Variants in DSTN observed in about 807,000 individuals in gnomAD.
DSTN encodes the protein destrin, actin depolymerizing factor.
Under a neutral mutation model 16.8 loss-of-function variants are expected in DSTN, and 10 were observed. The ratio of observed to expected loss-of-function variants is 0.60; its 90% confidence interval spans 0.37 to 1.01. The LOEUF is 1.01. Ranked by LOEUF, DSTN falls within the 50% of genes least tolerant of loss-of-function variation. DSTN has a pLI of 0.01. For synonymous variants in DSTN, 57 were observed against 58.9 expected (o/e 0.97, Z 0.14); for missense variants, 141 against 196.7 (o/e 0.72, Z 1.69).
chr20:17,603,277 G>A (rs1298706266), intron 2 of DSTN, among the ~76,000 whole-genome samples: 1 of 152,182 alleles, frequency 6.6e-6, no homozygotes, highest in African/African-American at 2.4e-5. Flanking sequence ...TAAATGCTCA[G>A]AAGTATTTAG....
At position 17,592,019 on chromosome 20, in the gene DSTN, T is replaced by G. The variant is rs756408424; in HGVS notation, c.4-8719T>G. On this transcript the variant is annotated intron_variant, in intron 1 of 3. Coordinates refer to ENST00000246069, the MANE Select transcript of DSTN (RefSeq NM_006870.4). ...ACACAGGCACTACGAGAATGGAGTT[T>G]AGAAGAAGGTCAGAGCCCTGGGCAG... The G allele has an allele frequency of 3.0e-4, 291 of 985,362 alleles. 1 individual carries two copies. Among genetic ancestry groups the G allele is most frequent in the Non-Finnish European group, 3.3e-4 (277 of 829,966 alleles). The allele number at this position is 985,362 out of a possible 1,614,324, so 61.0% of individuals were successfully genotyped here. A position where few individuals can be genotyped will look rare whatever the true frequency, so the allele number is the denominator to read the frequency against.
chr20:17,591,555 C>T (rs2035469746), intron 1 of DSTN, among the ~76,000 whole-genome samples: 1 of 152,192 alleles, frequency 6.6e-6, no homozygotes, highest in Admixed American at 6.5e-5. Context: ...CAATGAGCTA[C>T]GATTTTATTC....
intron 1 of DSTN, among the ~76,000 whole-genome samples, chr20:17,572,063 C>G (rs1319866851): frequency 6.6e-6 from 1 of 152,134 alleles, no homozygotes; most frequent in African/African-American, 2.4e-5. Context: ...GGGTATTATC[C>G]CAGAGTCTAG....
chr20:17,577,282 G>C (rs1262789879), intron 1 of DSTN, among the ~76,000 whole-genome samples: 4 of 152,156 alleles, frequency 2.6e-5, no homozygotes, highest in Non-Finnish European at 4.4e-5. Flanking sequence ...TACAGGTAAG[G>C]CTTCTCCAAC....
intron 1 of DSTN, among the ~76,000 whole-genome samples, chr20:17,592,413 C>G (rs1375564747): frequency 7.3e-6 from 1 of 137,744 alleles, no homozygotes; most frequent in African/African-American, 2.8e-5. Context: ...CTGGATGACA[C>G]AGAGAGACCT....
rs529682251 is a variant in DSTN, at chr20:17,592,487, C to T, written c.4-8251C>T. On this transcript the variant is annotated intron_variant, in intron 1 of 3. Transcript: ENST00000246069. ...TATTTAATCTTTATTTCTTTTATCT[C>T]GGTTTTAATATTCACCATATCTCAA... Among the ~76,000 whole-genome samples, 15 of 151,344 alleles carry T rather than the reference C, an allele frequency of 9.9e-5. No individual in the cohort carries two copies. In the East Asian group the frequency reaches 1.8e-3, roughly 18 times the overall value.
In DSTN at chr20:17,570,202, G is replaced by A. The variant is rs1217897362; in HGVS notation, c.-7G>A. On this transcript the variant is annotated 5_prime_UTR_variant, in exon 1 of 4. Transcript: ENST00000246069. Reference sequence around the variant, plus strand: ...TCCCCCGCGTCCCTGCGACCGCCGCGGCGAAGATGGTGAGTAGGAGGGAGG... The same window carrying A: ...TCCCCCGCGTCCCTGCGACCGCCGCAGCGAAGATGGTGAGTAGGAGGGAGG... 2.0e-6 allele frequency: 3 copies of A among 1,519,198 alleles called. No homozygotes were observed. The highest frequency in any genetic ancestry group is 4.1e-5 in the Admixed American group (2 of 49,036). The allele number at this position is 1,519,198 out of a possible 1,614,324, so 94.1% of individuals were successfully genotyped here. A position where few individuals can be genotyped will look rare whatever the true frequency, so the allele number is the denominator to read the frequency against.
chr20:17,570,822 T>C (rs1484984089), intron 1 of DSTN, among the ~76,000 whole-genome samples: 2 of 152,240 alleles, frequency 1.3e-5, no homozygotes, highest in African/African-American at 4.8e-5. Flanking sequence ...TCTTTTTATC[T>C]GGCAATCGGC....
At chr20:17,603,310 C>A (rs1280381363) in intron 2 of DSTN, among the ~76,000 whole-genome samples, 1 of 152,144 alleles carries the variant, frequency 6.6e-6, no homozygotes, top group Non-Finnish European at 1.5e-5. Context: ...ATCTTAATGA[C>A]CTCCAGTAGG....
At chr20:17,606,993 C>G in intron 3 of DSTN, 44 bp from the exon 4 acceptor site, 1 of 1,595,756 alleles carries the variant, frequency 6.3e-7, no homozygotes, top group East Asian at 2.2e-5. Flanking sequence ...AAGAGGTAAA[C>G]TGCTGCCATA....
chr20:17,586,753 T>C (rs1202092363), intron 1 of DSTN, among the ~76,000 whole-genome samples: 1 of 152,238 alleles, frequency 6.6e-6, no homozygotes, highest in East Asian at 1.9e-4. Context: ...TAACTAGATT[T>C]TCTGGTTAAT....
At chr20:17,574,870 G>GTTTTTTTTTTTTTTTTTTTTTTTTTTTT (rs533880691) in intron 1 of DSTN, among the ~76,000 whole-genome samples, 1 of 81,158 alleles carries the variant, frequency 1.2e-5, no homozygotes, top group African/African-American at 4.9e-5. Flanking sequence ...CTTTTCTTTT[G>GTTTTTTTTTTTTTTTTTTTTTTTTTTTT]TTTTTTTTTT....
At chr20:17,583,735 CTTTTT>C (rs71192397) in intron 1 of DSTN, among the ~76,000 whole-genome samples, 1,722 of 72,456 alleles carry the variant, frequency 0.024, 42 homozygotes, top group Middle Eastern at 0.13. Context: ...TTTGGAGTTT[CTTTTT>C]TTTTTTTTTT....
At chr20:17,591,905 C>T (rs1276665750) in intron 1 of DSTN, 15 of 985,278 alleles carry the variant, frequency 1.5e-5, no homozygotes. Flanking sequence ...TCATTGTCTT[C>T]TTTCCATCTG....
intron 1 of DSTN, chr20:17,599,697 A>C (rs932140543): frequency 2.0e-5 from 3 of 152,230 alleles, no homozygotes. Flanking sequence ...TGTAGTTGTC[A>C]AAGACATTGG....
At chr20:17,579,644 A>C (rs891766942) in intron 1 of DSTN, among the ~76,000 whole-genome samples, 2 of 152,244 alleles carry the variant, frequency 1.3e-5, no homozygotes, top group African/African-American at 4.8e-5. Context: ...TAGCTAAAAT[A>C]AATGGTGGCA....
chr20:17,572,002 C>T (rs2035212679), intron 1 of DSTN, among the ~76,000 whole-genome samples: 1 of 152,110 alleles, frequency 6.6e-6, no homozygotes, highest in Non-Finnish European at 1.5e-5. Context: ...TGTTTTTAGC[C>T]TTATGAGCGC....
At chr20:17,593,272 A>G (rs185052814) in intron 1 of DSTN, among the ~76,000 whole-genome samples, 16 of 152,340 alleles carry the variant, frequency 1.1e-4, no homozygotes, top group Non-Finnish European at 2.1e-4. Flanking sequence ...ACTGGAGTTT[A>G]TCAAGGAATA....
At chr20:17,592,986 C>G (rs2035486432) in intron 1 of DSTN, among the ~76,000 whole-genome samples, 1 of 152,172 alleles carries the variant, frequency 6.6e-6, no homozygotes. Context: ...CATGTATTTT[C>G]CCAAAGCACA....
Sources: gnomAD v4.1 joint callset for allele counts (sites outside exome capture counted in the v4.1 genomes callset) on GRCh38, gnomAD v4.1.1 for gene constraint, MANE v1.5 for transcripts, NCBI Gene and HGNC (gene_info 2026-07-23, HGNC 2026-07-21) for gene names.